SULF1: variants seen among roughly 807,000 people sequenced by gnomAD.
SULF1 encodes the protein extracellular sulfatase Sulf-1.
Under a neutral mutation model 110.5 loss-of-function variants are expected in SULF1, and 46 were observed. The ratio of observed to expected loss-of-function variants is 0.42; its 90% CI spans 0.33 to 0.53. The LOEUF (loss-of-function observed/expected upper bound fraction) is 0.53, where lower values mean the gene tolerates loss of function less well. Among genes scored for constraint, SULF1 ranks in the 20% least tolerant of loss-of-function variants. The pLI is 0.12. For synonymous variants in SULF1, 371 were observed against 387.1 expected, an observed-to-expected ratio of 0.96 and a Z score of 0.49; for missense variants, 941 against 1,094.2, an observed-to-expected ratio of 0.86 and a Z score of 1.98.
upstream of SULF1, among the ~76,000 whole-genome samples, chr8:69,489,210 A>ATCTC (rs1809817081): frequency 6.6e-6 from 1 of 152,210 alleles, no homozygotes; most frequent in African/African-American, 2.4e-5. Flanking sequence ...ACCATGCCTG[A>ATCTC]TCTCTCTAAG....
chr8:69,505,540 T>G (rs1433415208), intron 3 of SULF1, among the ~76,000 whole-genome samples: 1 of 152,156 alleles, frequency 6.6e-6, no homozygotes, highest in East Asian at 1.9e-4. Flanking sequence ...AATATTATTT[T>G]AATTATTAAG....
chr8:69,651,946 T>G (rs761154566), intron 22 of SULF1, among the ~76,000 whole-genome samples: 19 of 152,196 alleles, frequency 1.2e-4, no homozygotes, highest in Non-Finnish European at 2.6e-4. Flanking sequence ...AAATTCGAAA[T>G]GAATCTTACT....
chr8:69,468,331 A>C (rs1808942515), intron 1 of SULF1, among the ~76,000 whole-genome samples: 1 of 152,260 alleles, frequency 6.6e-6, no homozygotes, highest in Non-Finnish European at 1.5e-5. Context: ...ATTCGATTGC[A>C]TAAAGATGCC....
At chr8:69,565,899 A>T (rs546146846) in intron 5 of SULF1, among the ~76,000 whole-genome samples, 10 of 151,792 alleles carry the variant, frequency 6.6e-5, no homozygotes, top group African/African-American at 2.4e-4. Flanking sequence ...CCTCGCCTCT[A>T]TCCATGCCTT....
At chr8:69,512,723 C>G (rs13250242) in intron 3 of SULF1, among the ~76,000 whole-genome samples, 25,905 of 151,904 alleles carry the variant, frequency 0.17, 2,805 homozygotes, top group South Asian at 0.31. Flanking sequence ...TCACCTCCCC[C>G]CTCTTAACTT....
chr8:69,485,655 G>GGC (rs1809675310), intron 1 of SULF1, among the ~76,000 whole-genome samples: 1 of 152,110 alleles, frequency 6.6e-6, no homozygotes, highest in African/African-American at 2.4e-5. Context: ...CTCTGCAGTC[G>GGC]GCTTGTGTCC....
intron 3 of SULF1, among the ~76,000 whole-genome samples, chr8:69,526,263 T>C (rs1056551497): frequency 1.3e-5 from 2 of 152,032 alleles, no homozygotes; most frequent in African/African-American, 4.8e-5. Flanking sequence ...CAGTTTCCTG[T>C]AAAGATAAAG....
intron 3 of SULF1, among the ~76,000 whole-genome samples, chr8:69,514,180 A>G (rs951206900): frequency 9.2e-5 from 14 of 152,218 alleles, no homozygotes; most frequent in Non-Finnish European, 1.5e-5. Context: ...GCTATAAAGA[A>G]CTACTTGAGA....
intron 13 of SULF1, among the ~76,000 whole-genome samples, chr8:69,613,306 T>TG (rs1471775267): frequency 6.6e-6 from 1 of 151,486 alleles, no homozygotes; most frequent in Non-Finnish European, 1.5e-5. Context: ...GATTTGGTTT[T>TG]TTTTTTTTTT....
At position 69,554,863 on chromosome 8, in the gene SULF1, C is replaced by CA. The variant is rs1814980373; in HGVS notation, c.-133-8675dup. Among the ~76,000 whole-genome samples, 4 of 151,428 alleles carry CA rather than the reference C, an allele frequency of 2.6e-5. No individual in the cohort carries two copies. The South Asian group carries it at 8.3e-4, about 32-fold the overall frequency. On this transcript the variant is annotated intron_variant, in intron 3 of 22. Transcript: ENST00000402687. ...GCGTGGTGGCAGGCGCCTGTGGTCC[C>CA]AGCTACTCGGGAGGCTGAGGTAGGA...
At chr8:69,571,598 A>T (rs575465270) in intron 5 of SULF1, among the ~76,000 whole-genome samples, 1 of 152,338 alleles carries the variant, frequency 6.6e-6, no homozygotes, top group Non-Finnish European at 1.5e-5. Context: ...CACCGTTTGC[A>T]TTTCAGGCAC....
In SULF1 at chr8:69,660,550, T is replaced by G. The variant is rs1813038351; in HGVS notation, c.*2015T>G. The G allele has an allele frequency of 6.5e-6, 1 of 152,672 alleles. No homozygotes were observed. The highest frequency in any genetic ancestry group is 6.5e-5 in the Admixed American group (1 of 15,284). 9.5% of individuals were successfully genotyped at this position (152,672 alleles called of 1,614,324 possible). ...GCTTACCCTAAGAGAGGTTTTCTTC[T>G]TATTTTTAGATAATTCAAGTGCTTA... On this transcript the variant is annotated 3_prime_UTR_variant, in exon 23 of 23. Transcript: ENST00000402687.
intron 5 of SULF1, among the ~76,000 whole-genome samples, chr8:69,570,522 G>C (rs114232825): frequency 6.6e-6 from 1 of 152,112 alleles, no homozygotes; most frequent in African/African-American, 2.4e-5. Context: ...CATTTTCTCC[G>C]ATCCTTTTTC....
intron 3 of SULF1, among the ~76,000 whole-genome samples, chr8:69,522,552 A>G (rs1397534360): frequency 6.6e-6 from 1 of 152,226 alleles, no homozygotes; most frequent in African/African-American, 2.4e-5. Context: ...TTGGAAATAA[A>G]GTTTTGCATT....
intron 13 of SULF1, among the ~76,000 whole-genome samples, chr8:69,611,848 A>C (rs1317756191): frequency 6.6e-6 from 1 of 152,072 alleles, no homozygotes; most frequent in Non-Finnish European, 1.5e-5. Context: ...CAATTTTTTT[A>C]ATTTTTCTTT....
intron 1 of SULF1, among the ~76,000 whole-genome samples, chr8:69,483,620 A>G: frequency 6.6e-6 from 1 of 152,154 alleles, no homozygotes. Flanking sequence ...ATATTTCGCA[A>G]TAGAAAAGCA....
chr8:69,520,431 C>G (rs962754535), intron 3 of SULF1, among the ~76,000 whole-genome samples: 5 of 152,060 alleles, frequency 3.3e-5, no homozygotes, highest in Non-Finnish European at 1.5e-5. Flanking sequence ...ATTACACAAC[C>G]TACCAGGTAG....
At chr8:69,491,361 A>G (rs1422896435), upstream of SULF1, among the ~76,000 whole-genome samples, 1 of 152,206 alleles carries the variant, frequency 6.6e-6, no homozygotes, top group East Asian at 1.9e-4. Context: ...TATTATTTCA[A>G]TAATGGAGGA....
chr8:69,635,577 A>G (rs765793278), intron 19 of SULF1, among the ~76,000 whole-genome samples: 18 of 152,228 alleles, frequency 1.2e-4, no homozygotes, highest in Non-Finnish European at 2.5e-4. Flanking sequence ...CTAGTAATTA[A>G]GAGTAAACTC....
Sources: gnomAD v4.1 joint callset for allele counts (sites outside exome capture counted in the v4.1 genomes callset) on GRCh38, gnomAD v4.1.1 for gene constraint, MANE v1.5 for transcripts, NCBI Gene and HGNC (gene_info 2026-07-23, HGNC 2026-07-21) for gene names.